Variants in FAM210A observed in about 807,000 individuals in gnomAD.
FAM210A encodes the protein mitochondrial inner membrane scaffold 1.
In FAM210A, 13 loss-of-function variants were observed where a neutral mutation model predicts 25.3. That is an observed-to-expected ratio of 0.51 (90% CI 0.33 to 0.82). The LOEUF is 0.82. Among genes scored for constraint, FAM210A ranks in the 40% least tolerant of loss-of-function variants. FAM210A has a pLI of 0.02. For missense variants in FAM210A, 319 were observed against 323.2 expected, an observed-to-expected ratio of 0.99 and a Z score of 0.10; for synonymous variants, 125 against 118.7, an observed-to-expected ratio of 1.05 and a Z score of -0.35.
At chr18:13,716,177 A>T (rs1159575891) in intron 1 of FAM210A, among the ~76,000 whole-genome samples, 2 of 152,236 alleles carry the variant, frequency 1.3e-5, no homozygotes, top group African/African-American at 4.8e-5. Flanking sequence ...TTCCACTTTA[A>T]GATTGTCTAG....
intron 1 of FAM210A, among the ~76,000 whole-genome samples, chr18:13,706,449 T>C (rs928487164): frequency 2.6e-5 from 4 of 152,164 alleles, no homozygotes; most frequent in African/African-American, 9.7e-5. Context: ...TATACCTTCA[T>C]AGATAAAACA....
intron 1 of FAM210A, among the ~76,000 whole-genome samples, chr18:13,682,427 G>T (rs940161629): frequency 6.6e-6 from 1 of 152,012 alleles, no homozygotes; most frequent in Non-Finnish European, 1.5e-5. Flanking sequence ...AATTAGCCAG[G>T]TGTGGTGGTG....
In FAM210A at chr18:13,726,558, T is replaced by C. The variant is rs1051320471; in HGVS notation, c.-258A>G. 1 of 152,178 alleles carries C rather than the reference T, an allele frequency of 6.6e-6. No homozygotes were observed. Among genetic ancestry groups the C allele is most frequent in the East Asian group, 1.9e-4 (1 of 5,152 alleles). The allele number at this position is 152,178 out of a possible 1,614,324, so 9.4% of individuals were successfully genotyped here. A position where few individuals can be genotyped will look rare whatever the true frequency, so the allele number is the denominator to read the frequency against. ...TCCAGTGCCCGCTCAGTGAAGCTTCTGCATGCCGCGCGCGGCACGTCGGGA... is the reference window on the plus strand; with the variant it reads ...TCCAGTGCCCGCTCAGTGAAGCTTCCGCATGCCGCGCGCGGCACGTCGGGA... On this transcript the variant is annotated 5_prime_UTR_variant, in exon 1 of 4. Coordinates refer to ENST00000651643, the MANE Select transcript of FAM210A (RefSeq NM_152352.4).
rs2043425617 is a variant in FAM210A at position 13,669,420 on chromosome 18, C to A, written c.585+2442G>T. 1.3e-5 allele frequency among the ~76,000 whole-genome samples: 2 copies of A among 152,184 alleles called. 1 individual carries two copies. Among genetic ancestry groups the A allele is most frequent in the South Asian group, 4.1e-4 (2 of 4,826 alleles). The stretch of plus-strand genomic sequence containing the variant: ...GCCCTGTTCACTGATTCCGGTCACA[C>A]TAGCTTCCCTGCATCCCTCAAATAC... On this transcript the variant is annotated intron_variant, in intron 3 of 3. Transcript: ENST00000651643.
intron 1 of FAM210A, among the ~76,000 whole-genome samples, chr18:13,686,752 T>C (rs1486673411): frequency 6.6e-6 from 1 of 152,224 alleles, no homozygotes; most frequent in Non-Finnish European, 1.5e-5. Context: ...ATATTCATTA[T>C]TCATTAAAGA....
At chr18:13,667,202 T>C (rs1568473676) in intron 3 of FAM210A, among the ~76,000 whole-genome samples, 1 of 152,240 alleles carries the variant, frequency 6.6e-6, no homozygotes, top group Non-Finnish European at 1.5e-5. Context: ...CAAATCCCTT[T>C]CCTTTGACTT....
chr18:13,675,614 G>C lies in FAM210A; in HGVS notation c.474-3641C>G, dbSNP rs62084845. 2.1e-5 allele frequency among the ~76,000 whole-genome samples: 2 copies of C among 95,614 alleles called. 1 individual carries two copies. Among genetic ancestry groups the C allele is most frequent in the African/African-American group, 7.7e-5 (2 of 25,958 alleles). The allele number at this position is 95,614 out of a possible 152,430, so 62.7% of individuals were successfully genotyped here. A position where few individuals can be genotyped will look rare whatever the true frequency, so the allele number is the denominator to read the frequency against. On this transcript the variant is annotated intron_variant, in intron 2 of 3. Coordinates refer to ENST00000651643, the MANE Select transcript of FAM210A (RefSeq NM_152352.4). ...TGATTATTAACATTTCTGAGCCCTGGCCTCTTTATTTCCAGTTTCCTGATT... is the reference window on the plus strand; with the variant it reads ...TGATTATTAACATTTCTGAGCCCTGCCCTCTTTATTTCCAGTTTCCTGATT...
At chr18:13,676,544 C>CT (rs2043504982) in intron 2 of FAM210A, among the ~76,000 whole-genome samples, 1 of 152,228 alleles carries the variant, frequency 6.6e-6, no homozygotes, top group Non-Finnish European at 1.5e-5. Context: ...GGCTCTTGCT[C>CT]TCTTTGGACA....
At chr18:13,688,274 T>C (rs2043614186) in intron 1 of FAM210A, among the ~76,000 whole-genome samples, 1 of 152,198 alleles carries the variant, frequency 6.6e-6, no homozygotes. Flanking sequence ...TGGTTCTTTC[T>C]GAATGTCTTT....
chr18:13,725,818 A>G (rs2043939071), intron 1 of FAM210A, among the ~76,000 whole-genome samples: 1 of 152,198 alleles, frequency 6.6e-6, no homozygotes, highest in African/African-American at 2.4e-5. Flanking sequence ...AGTTCAGCCA[A>G]CGCAGACTAA....
intron 1 of FAM210A, among the ~76,000 whole-genome samples, chr18:13,722,849 CTTT>C (rs10560002): frequency 1.1e-3 from 166 of 145,330 alleles, no homozygotes; most frequent in Non-Finnish European, 1.6e-3. Flanking sequence ...TCTTTCCTTT[CTTT>C]TTTTTTTTTT....
chr18:13,667,121 T>C (rs1250574695), intron 3 of FAM210A, among the ~76,000 whole-genome samples: 1 of 152,228 alleles, frequency 6.6e-6, no homozygotes, highest in African/African-American at 2.4e-5. Context: ...AAACTAGAAC[T>C]GAATGTCTTC....
chr18:13,677,732 C>T (rs1490704247), intron 2 of FAM210A, among the ~76,000 whole-genome samples: 1 of 152,042 alleles, frequency 6.6e-6, no homozygotes, highest in Non-Finnish European at 1.5e-5. Context: ...ACTGAGTTTG[C>T]CTCTTGGTGA....
intron 2 of FAM210A, among the ~76,000 whole-genome samples, chr18:13,673,396 CT>C (rs1421971043): frequency 2.1e-5 from 3 of 143,544 alleles, no homozygotes; most frequent in East Asian, 4.2e-4. Flanking sequence ...TTCCAGTTTC[CT>C]GATTATTAAC....
At chr18:13,672,523 C>T (rs2043452292) in intron 2 of FAM210A, among the ~76,000 whole-genome samples, 1 of 152,176 alleles carries the variant, frequency 6.6e-6, no homozygotes, top group African/African-American at 2.4e-5. Context: ...ATTCTCCTGC[C>T]TCAGCCTCCT....
intron 1 of FAM210A, among the ~76,000 whole-genome samples, chr18:13,705,885 G>C (rs1010353359): frequency 3.3e-5 from 5 of 152,138 alleles, no homozygotes; most frequent in African/African-American, 1.2e-4. Flanking sequence ...CATTTGTAGA[G>C]GGATTTCATT....
In FAM210A at chr18:13,663,569, G is replaced by C. The variant is rs540443908; in HGVS notation, c.*2911C>G. 10 of 152,132 alleles carry C rather than the reference G, an allele frequency of 6.6e-5. No homozygotes were observed. Among genetic ancestry groups the C allele is most frequent in the African/African-American group, 2.4e-4 (10 of 41,492 alleles). The allele number at this position is 152,132 out of a possible 1,614,324, so 9.4% of individuals were successfully genotyped here. Reference sequence around the variant, plus strand: ...CATCTTTCATTTCAAATATCAATTTGCTTAGCAAACCCTTTTTGTGCATTT... The same window carrying C: ...CATCTTTCATTTCAAATATCAATTTCCTTAGCAAACCCTTTTTGTGCATTT... On this transcript the variant is annotated 3_prime_UTR_variant, in exon 4 of 4. Transcript: ENST00000651643.
intron 1 of FAM210A, among the ~76,000 whole-genome samples, chr18:13,705,859 T>C (rs905826308): frequency 6.6e-6 from 1 of 152,266 alleles, no homozygotes; most frequent in African/African-American, 2.4e-5. Context: ...TTTGGCTACC[T>C]GATGGGTCAT....
At chr18:13,680,886 T>G (rs893864511) in intron 2 of FAM210A, among the ~76,000 whole-genome samples, 1 of 152,188 alleles carries the variant, frequency 6.6e-6, no homozygotes, top group African/African-American at 2.4e-5. Context: ...GAAGGCATAG[T>G]ATTAACAAGA....
Sources: allele counts gnomAD v4.1 joint callset (sites outside exome capture counted in the v4.1 genomes callset), GRCh38; gene constraint gnomAD v4.1.1; transcripts MANE v1.5; gene names NCBI Gene and HGNC (gene_info 2026-07-23, HGNC 2026-07-21).